The following CYYR1 variants were observed in gnomAD, a reference collection of about 807,000 sequenced individuals.
CYYR1 encodes cysteine and tyrosine rich 1, also known as cysteine and tyrosine-rich protein 1.
A neutral mutation model predicts 15.2 loss-of-function variants in CYYR1; 14 were observed. The ratio of observed to expected loss-of-function variants is 0.92; its 90% CI spans 0.61 to 1.44. CYYR1 has a LOEUF of 1.44. CYYR1 is among the 40% of genes most tolerant of loss of function. The probability of loss-of-function intolerance (pLI) is 0.00; values close to 1 mark genes in which losing one functional copy is unlikely to be tolerated. For missense variants in CYYR1, 228 were observed against 209.5 expected, an observed-to-expected ratio of 1.09 and a Z score of -0.54; for synonymous variants, 80 against 77.4, an observed-to-expected ratio of 1.03 and a Z score of -0.18.
intron 2 of CYYR1, among the ~76,000 whole-genome samples, chr21:26,498,232 C>A (rs1441731719): frequency 6.6e-6 from 1 of 152,084 alleles, no homozygotes; most frequent in Non-Finnish European, 1.5e-5. Flanking sequence ...TTTGAAGGCC[C>A]TATAGCCATT....
At chr21:26,554,597 G>A (rs375476015) in intron 2 of CYYR1, among the ~76,000 whole-genome samples, 1 of 152,048 alleles carries the variant, frequency 6.6e-6, no homozygotes, top group African/African-American at 2.4e-5. Flanking sequence ...ACTCAAGGCC[G>A]AGAGTGCTCT....
intron 3 of CYYR1, among the ~76,000 whole-genome samples, chr21:26,471,993 G>A (rs1385602264): frequency 6.6e-6 from 1 of 152,118 alleles, no homozygotes; most frequent in Non-Finnish European, 1.5e-5. Context: ...TAATGTGGTG[G>A]GAAGATGCGT....
At chr21:26,474,744 G>A (rs1395728301) in intron 3 of CYYR1, among the ~76,000 whole-genome samples, 1 of 151,994 alleles carries the variant, frequency 6.6e-6, no homozygotes, top group Non-Finnish European at 1.5e-5. Context: ...GTGCTATTTT[G>A]TAAATCTTAA....
intron 2 of CYYR1, chr21:26,483,470 T>TG: frequency 1.0e-6 from 1 of 979,210 alleles, no homozygotes; most frequent in Non-Finnish European, 1.2e-6. Context: ...CAAGCCAGAA[T>TG]TTGACAGGTG....
chr21:26,573,242 G>A lies in CYYR1; in HGVS notation c.-302C>T. ...GGAAGGCGGCCACTCCGGCGTCCTT[G>A]GCCACCCAGGCTCACATTTCATCTC... is the stretch of plus-strand genomic sequence containing the variant. On this transcript the variant is annotated 5_prime_UTR_variant, in exon 1 of 4. Transcript: ENST00000652641. 7.3e-7 allele frequency: 1 copy of A among 1,377,492 alleles called. No individual in the cohort carries two copies. The highest frequency in any genetic ancestry group is 9.5e-7 in the Non-Finnish European group (1 of 1,051,854). 85.3% of individuals were successfully genotyped at this position (1,377,492 alleles called of 1,614,324 possible).
At chr21:26,514,734 T>C (rs541377311) in intron 2 of CYYR1, among the ~76,000 whole-genome samples, 35 of 152,290 alleles carry the variant, frequency 2.3e-4, no homozygotes, top group African/African-American at 8.2e-4. Flanking sequence ...TGTCAGGCCA[T>C]GTAATAAGGC....
chr21:26,500,454 G>A (rs569786897), intron 2 of CYYR1, among the ~76,000 whole-genome samples: 1 of 152,264 alleles, frequency 6.6e-6, no homozygotes, highest in South Asian at 2.1e-4. Context: ...ATGATGGAAG[G>A]CCAGGAAGTG....
intron 2 of CYYR1, chr21:26,482,133 G>T (rs1773142366): frequency 6.3e-6 from 2 of 316,268 alleles, no homozygotes; most frequent in Non-Finnish European, 4.6e-6. Flanking sequence ...TGGGAATGCA[G>T]ATCTCTCAGA....
At chr21:26,508,169 A>T (rs1438957938) in intron 2 of CYYR1, among the ~76,000 whole-genome samples, 1 of 152,236 alleles carries the variant, frequency 6.6e-6, no homozygotes, top group African/African-American at 2.4e-5. Context: ...TGTGTGAAAT[A>T]GCTTAGGATG....
In CYYR1 at chr21:26,514,730, G is replaced by A. The variant is rs553358014; in HGVS notation, c.177-34301C>T. 2.6e-5 allele frequency among the ~76,000 whole-genome samples: 4 copies of A among 152,252 alleles called. No individual in the cohort carries two copies. The South Asian group carries it at 8.3e-4, about 32-fold the overall frequency. On this transcript the variant is annotated intron_variant, in intron 2 of 3. Transcript: ENST00000652641. ...ATTTTGAGCACTAACCATATGTCAG[G>A]CCATGTAATAAGGCTTTTATTCACA... is the stretch of plus-strand genomic sequence containing the variant.
At position 26,467,545 on chromosome 21, in the gene CYYR1, A is replaced by C. The variant is rs920610427; in HGVS notation, c.*956T>G. ...TCTGAGATTTTTGCTCCCTGACCTA[A>C]AATCCTGTGGGAATAATTGATTTCT... On this transcript the variant is annotated 3_prime_UTR_variant, in exon 4 of 4. Coordinates refer to ENST00000652641, the MANE Select transcript of CYYR1 (RefSeq NM_001320768.2). The C allele has an allele frequency of 6.6e-6, 1 of 152,200 alleles. No homozygotes were observed. Among genetic ancestry groups the C allele is most frequent in the Non-Finnish European group, 1.5e-5 (1 of 68,026 alleles). The allele number at this position is 152,200 out of a possible 1,614,324, so 9.4% of individuals were successfully genotyped here. A position where few individuals can be genotyped will look rare whatever the true frequency, so the allele number is the denominator to read the frequency against.
At chr21:26,492,282 G>A (rs144592989) in intron 2 of CYYR1, among the ~76,000 whole-genome samples, 260 of 152,302 alleles carry the variant, frequency 1.7e-3, no homozygotes, top group Admixed American at 6.1e-3. Flanking sequence ...GAACGTGATT[G>A]GCGTTGGGAA....
intron 2 of CYYR1, among the ~76,000 whole-genome samples, chr21:26,542,439 C>G (rs555521388): frequency 9.9e-5 from 15 of 152,004 alleles, no homozygotes; most frequent in Middle Eastern, 3.4e-3. Flanking sequence ...ATGCAAAAAG[C>G]GTTTGATGAA....
Position 26,468,553 on chromosome 21 carries a change from C to T in CYYR1, c.416G>A (p.Gly139Asp). The T allele has an allele frequency of 6.2e-7, 1 of 1,613,144 alleles. No homozygotes were observed. Among genetic ancestry groups the T allele is most frequent in the Non-Finnish European group, 8.5e-7 (1 of 1,179,506 alleles). Reference sequence around the variant, plus strand: ...AGGGGGTGGAGAACGCTGTGCTGGACCCTGTGGGGTGGGGGAGTATGGAGG... The same window carrying T: ...AGGGGGTGGAGAACGCTGTGCTGGATCCTGTGGGGTGGGGGAGTATGGAGG... Reference protein sequence around the residue: ...LPPPYSPTPQGPAQRSPPPPY... With the variant: ...LPPPYSPTPQDPAQRSPPPPY... The change falls in exon 4 of 4, where the codon GGT becomes GAT. Residue 139 changes from glycine to aspartate, a missense_variant. Physicochemically the swap from Gly to Asp is moderately conservative, Grantham distance 94. Coordinates refer to ENST00000652641, the MANE Select transcript of CYYR1 (RefSeq NM_001320768.2).
intron 2 of CYYR1, among the ~76,000 whole-genome samples, chr21:26,516,728 C>T (rs2123540103): frequency 6.6e-6 from 1 of 152,232 alleles, no homozygotes; most frequent in South Asian, 2.1e-4. Context: ...CTTCAAAATC[C>T]TTTGCTTAAC....
At chr21:26,536,862 GC>G (rs1489483721) in intron 2 of CYYR1, among the ~76,000 whole-genome samples, 29 of 152,110 alleles carry the variant, frequency 1.9e-4, no homozygotes, top group African/African-American at 6.0e-4. Context: ...CTTTCTGGAT[GC>G]TAAATTTGCC....
chr21:26,479,489 G>A (rs187347555), intron 3 of CYYR1, among the ~76,000 whole-genome samples: 33 of 152,174 alleles, frequency 2.2e-4, no homozygotes, highest in Admixed American at 2.1e-3. Flanking sequence ...CTTTTTATAT[G>A]TCAAATTGTA....
chr21:26,539,732 G>C (rs1470407147), intron 2 of CYYR1, among the ~76,000 whole-genome samples: 1 of 152,132 alleles, frequency 6.6e-6, no homozygotes, highest in Non-Finnish European at 1.5e-5. Flanking sequence ...ATTTCAAAAT[G>C]TTGCTTCTTT....
chr21:26,552,544 T>C (rs1979471196), intron 2 of CYYR1, among the ~76,000 whole-genome samples: 1 of 152,140 alleles, frequency 6.6e-6, no homozygotes, highest in Admixed American at 6.6e-5. Context: ...CTGTTTTTCA[T>C]TCCTTTGACT....
Sources: allele counts gnomAD v4.1 joint callset (sites outside exome capture counted in the v4.1 genomes callset), GRCh38; gene constraint gnomAD v4.1.1; transcripts MANE v1.5; gene names NCBI Gene and HGNC (gene_info 2026-07-23, HGNC 2026-07-21).